The following BRINP3 variants were observed in gnomAD, a reference collection of about 807,000 sequenced individuals.
The protein encoded by BRINP3 is BMP/retinoic acid-inducible neural-specific protein 3.
A neutral mutation model predicts 71.0 loss-of-function variants in BRINP3; 19 were observed. That is an observed-to-expected ratio of 0.27 (90% CI 0.19 to 0.39). The LOEUF (loss-of-function observed/expected upper bound fraction) is 0.39. BRINP3 is among the 10% of genes least tolerant of loss of function. The probability of loss-of-function intolerance (pLI) is 1.00; values close to 1 mark genes in which losing one functional copy is unlikely to be tolerated. For missense variants in BRINP3, 959 were observed against 940.8 expected (o/e 1.02, Z -0.25); for synonymous variants, 380 against 337.7 (o/e 1.13, Z -1.37).
intron 3 of BRINP3, among the ~76,000 whole-genome samples, chr1:190,270,326 A>T (rs1275084166): frequency 1.3e-5 from 2 of 151,352 alleles, no homozygotes; most frequent in African/African-American, 4.8e-5. Context: ...AAACATTTTT[A>T]AAATTATTTA....
chr1:190,323,597 CAAA>C (rs60597619), intron 2 of BRINP3, among the ~76,000 whole-genome samples: 1 of 126,512 alleles, frequency 7.9e-6, no homozygotes, highest in African/African-American at 2.9e-5. Flanking sequence ...TAAGAAAATA[CAAA>C]AAAAAAAAAA....
chr1:190,277,702 T>C (rs1367660748), intron 3 of BRINP3, among the ~76,000 whole-genome samples: 1 of 151,748 alleles, frequency 6.6e-6, no homozygotes, highest in Non-Finnish European at 1.5e-5. Flanking sequence ...TTTTAGTATT[T>C]GTCATATATT....
chr1:190,277,045 T>C (rs1227687444), intron 3 of BRINP3, among the ~76,000 whole-genome samples: 27 of 131,308 alleles, frequency 2.1e-4, no homozygotes, highest in African/African-American at 6.6e-4. Context: ...AATTAACAAA[T>C]CTTATTATAT....
intron 7 of BRINP3, among the ~76,000 whole-genome samples, chr1:190,131,859 A>G (rs1377170209): frequency 6.6e-6 from 1 of 152,022 alleles, no homozygotes; most frequent in Non-Finnish European, 1.5e-5. Context: ...CAGATTTAAT[A>G]TTCTGTATTG....
chr1:190,203,751 ATATATATATATATATATATAT>A (rs1655222870), intron 6 of BRINP3, among the ~76,000 whole-genome samples: 1 of 4,588 alleles, frequency 2.2e-4, no homozygotes, highest in Non-Finnish European at 3.8e-4. Flanking sequence ...ACTAAAGAAA[ATATATATATATATATATATAT>A]ATATATATAT....
intron 6 of BRINP3, among the ~76,000 whole-genome samples, chr1:190,191,326 G>A (rs991952131): frequency 4.0e-5 from 6 of 151,824 alleles, no homozygotes; most frequent in East Asian, 3.9e-4. Flanking sequence ...TGTGTATAAC[G>A]TGCAGGTTTG....
At chr1:190,201,729 C>A (rs1003225540) in intron 6 of BRINP3, among the ~76,000 whole-genome samples, 2 of 151,570 alleles carry the variant, frequency 1.3e-5, no homozygotes, top group African/African-American at 4.8e-5. Flanking sequence ...GAATTCGGAA[C>A]GTGGCTTCAA....
At chr1:190,285,231 T>G (rs1191342822) in intron 2 of BRINP3, among the ~76,000 whole-genome samples, 1 of 152,126 alleles carries the variant, frequency 6.6e-6, no homozygotes, top group East Asian at 1.9e-4. Context: ...AAACATTAGA[T>G]ATGAATCGAA....
rs558353506 is a variant in BRINP3 at position 190,300,910 on chromosome 1, A to G, written c.237-19160T>C. ...GGAACGCAGTTCCTCACCAGCAACG[A>G]AACAAAGCTGGATGGAGAATGACTT... On this transcript the variant is annotated intron_variant, in intron 2 of 7. Transcript: ENST00000367462. Among the ~76,000 whole-genome samples the G allele has an allele frequency of 1.8e-4, 28 of 152,100 alleles. No individual in the cohort carries two copies. The South Asian group carries it at 3.1e-3, about 17-fold the overall frequency.
At chr1:190,475,533 A>G (rs373641655) in intron 1 of BRINP3, among the ~76,000 whole-genome samples, 6 of 152,148 alleles carry the variant, frequency 3.9e-5, no homozygotes, top group South Asian at 2.1e-4. Flanking sequence ...CACCTTTCCT[A>G]CACGCATGGG....
intron 7 of BRINP3, among the ~76,000 whole-genome samples, chr1:190,116,556 C>A (rs1259189174): frequency 6.6e-6 from 1 of 151,958 alleles, no homozygotes; most frequent in Non-Finnish European, 1.5e-5. Flanking sequence ...GGCTCTCCAC[C>A]CTGGGGTAAC....
In BRINP3 at chr1:190,170,527, A is replaced by AT. The variant is rs111563802; in HGVS notation, c.962-9638dup. On this transcript the variant is annotated intron_variant, in intron 6 of 7. Coordinates refer to ENST00000367462, the MANE Select transcript of BRINP3 (RefSeq NM_199051.3). Reference sequence around the variant, plus strand: ...GCTTAGTCATATAAAACGTGAAGCCATTTTTTTATATCTTATGACCACGAA... The same window carrying AT: ...GCTTAGTCATATAAAACGTGAAGCCATTTTTTTTATATCTTATGACCACGAA... Among the ~76,000 whole-genome samples, 538 of 152,256 alleles carry AT rather than the reference A, an allele frequency of 3.5e-3. 4 individuals carry two copies. Among genetic ancestry groups the AT allele is most frequent in the African/African-American group, 0.012 (510 of 41,566 alleles).
intron 6 of BRINP3, among the ~76,000 whole-genome samples, chr1:190,168,143 A>G (rs1236805834): frequency 1.3e-5 from 2 of 152,124 alleles, no homozygotes; most frequent in African/African-American, 4.8e-5. Context: ...GAAATTTTAG[A>G]GTTTACTAAT....
chr1:190,134,868 A>G (rs1654843747), intron 7 of BRINP3, among the ~76,000 whole-genome samples: 1 of 152,134 alleles, frequency 6.6e-6, no homozygotes, highest in South Asian at 2.1e-4. Context: ...AGCTTTTAGG[A>G]CAAGGCAAGA....
At chr1:190,130,732 G>A (rs1023509023) in intron 7 of BRINP3, among the ~76,000 whole-genome samples, 9 of 151,974 alleles carry the variant, frequency 5.9e-5, no homozygotes, top group South Asian at 2.1e-4. Flanking sequence ...GTATAGCCAC[G>A]TGACAAGTTC....
At chr1:190,414,998 T>C (rs1441232349) in intron 2 of BRINP3, among the ~76,000 whole-genome samples, 1 of 152,226 alleles carries the variant, frequency 6.6e-6, no homozygotes, top group Non-Finnish European at 1.5e-5. Flanking sequence ...AATAGATTAA[T>C]TAACTATTTT....
At chr1:190,276,200 T>C (rs1274031744) in intron 3 of BRINP3, among the ~76,000 whole-genome samples, 2 of 151,662 alleles carry the variant, frequency 1.3e-5, no homozygotes, top group Non-Finnish European at 3.0e-5. Context: ...TAATTATTCA[T>C]ATTTCTTTAA....
At chr1:190,351,095 C>T (rs983093983) in intron 2 of BRINP3, among the ~76,000 whole-genome samples, 7 of 152,080 alleles carry the variant, frequency 4.6e-5, no homozygotes, top group Admixed American at 2.0e-4. Flanking sequence ...TGAGCCACTG[C>T]GCCCAGCCCT....
chr1:190,264,365 T>A (rs1404739947), intron 4 of BRINP3, among the ~76,000 whole-genome samples: 1 of 152,192 alleles, frequency 6.6e-6, no homozygotes, highest in African/African-American at 2.4e-5. Flanking sequence ...GAAACCCATA[T>A]AACCATGCAC....
Sources: gnomAD v4.1 joint callset for allele counts (sites outside exome capture counted in the v4.1 genomes callset) on GRCh38, gnomAD v4.1.1 for gene constraint, MANE v1.5 for transcripts, NCBI Gene and HGNC (gene_info 2026-07-23, HGNC 2026-07-21) for gene names.